The following ZNF385B variants were observed in gnomAD, a reference collection of about 807,000 sequenced individuals.
ZNF385B encodes the protein zinc finger protein 533.
In ZNF385B, 23 loss-of-function variants were observed where a neutral mutation model predicts 39.2. That is an observed-to-expected ratio of 0.59 (90% CI 0.42 to 0.83). The LOEUF (loss-of-function observed/expected upper bound fraction) is 0.83. Ranked by LOEUF, ZNF385B falls within the 40% of genes least tolerant of loss-of-function variation. ZNF385B has a pLI of 0.00. For missense variants in ZNF385B, 552 were observed against 598.9 expected (o/e 0.92, Z 0.82); for synonymous variants, 205 against 222.6 (o/e 0.92, Z 0.70).
chr2:179,624,151 G>A (rs985544664), intron 3 of ZNF385B, among the ~76,000 whole-genome samples: 2 of 151,984 alleles, frequency 1.3e-5, no homozygotes, highest in Admixed American at 6.6e-5. Context: ...ACATTTATCA[G>A]GTCTTTCCTA....
Position 179,558,735 on chromosome 2 carries a change from A to G in ZNF385B, c.299-13766T>C, listed in dbSNP as rs147000629. On this transcript the variant is annotated intron_variant, in intron 3 of 9. Transcript: ENST00000410066. ...CTATAGAGTGTTCATAAAAAATTCTAGTAAAGTATGATAGTCATGGTGGCC... is the reference window on the plus strand; with the variant it reads ...CTATAGAGTGTTCATAAAAAATTCTGGTAAAGTATGATAGTCATGGTGGCC... Among the ~76,000 whole-genome samples the G allele has an allele frequency of 2.5e-3, 386 of 152,296 alleles. 1 individual carries two copies. The highest frequency in any genetic ancestry group is 8.7e-3 in the African/African-American group (362 of 41,556).
intron 5 of ZNF385B, among the ~76,000 whole-genome samples, chr2:179,507,451 G>C (rs2057333918): frequency 6.6e-6 from 1 of 151,866 alleles, no homozygotes; most frequent in African/African-American, 2.4e-5. Flanking sequence ...ATAACATGTA[G>C]AGAATACCTA....
chr2:179,526,561 C>T (rs2058914732), intron 4 of ZNF385B, among the ~76,000 whole-genome samples: 1 of 152,016 alleles, frequency 6.6e-6, no homozygotes, highest in African/African-American at 2.4e-5. Context: ...CACCATTGCA[C>T]TCCAACCTGG....
chr2:179,585,750 G>C (rs939923970), intron 3 of ZNF385B: 1 of 152,090 alleles, frequency 6.6e-6, no homozygotes, highest in Non-Finnish European at 1.5e-5. Flanking sequence ...TGATTTGATA[G>C]GAATCACTTT....
At chr2:179,588,991 T>C (rs1201882168) in intron 3 of ZNF385B, among the ~76,000 whole-genome samples, 2 of 152,194 alleles carry the variant, frequency 1.3e-5, no homozygotes, top group Non-Finnish European at 2.9e-5. Flanking sequence ...ACCTGAAACC[T>C]CTTGCCTCTG....
rs1347067507 is a variant in ZNF385B at position 179,837,373 on chromosome 2, A to G, written c.-155+23728T>C. Among the ~76,000 whole-genome samples the G allele has an allele frequency of 2.0e-5, 3 of 152,208 alleles. 1 individual carries two copies. The highest frequency in any genetic ancestry group is 7.2e-5 in the African/African-American group (3 of 41,452). On this transcript the variant is annotated intron_variant, in intron 1 of 9. Transcript: ENST00000410066. ...TTACAAGGTCAAAAGAAATATCAAC[A>G]AATTGTGTTCTCATTTCAGATTGAA... is the stretch of plus-strand genomic sequence containing the variant.
chr2:179,652,772 A>C (rs1693312285), intron 3 of ZNF385B, among the ~76,000 whole-genome samples: 1 of 152,068 alleles, frequency 6.6e-6, no homozygotes, highest in Admixed American at 6.6e-5. Flanking sequence ...ACAACGATAC[A>C]TAATAGAGTA....
At chr2:179,486,024 A>AG (rs1296232288) in intron 5 of ZNF385B, among the ~76,000 whole-genome samples, 1 of 152,180 alleles carries the variant, frequency 6.6e-6, no homozygotes, top group East Asian at 1.9e-4. Context: ...TGGAAAAAAA[A>AG]ATAATCACGT....
chr2:179,549,006 C>G (rs2060404793), intron 3 of ZNF385B, among the ~76,000 whole-genome samples: 1 of 149,486 alleles, frequency 6.7e-6, no homozygotes, highest in Non-Finnish European at 1.5e-5. Context: ...AATCTATTTT[C>G]TTTATCTTTA....
chr2:179,835,727 T>G (rs147214000), intron 1 of ZNF385B, among the ~76,000 whole-genome samples: 30 of 152,168 alleles, frequency 2.0e-4, no homozygotes, highest in Non-Finnish European at 3.2e-4. Flanking sequence ...CTGTGCCCTG[T>G]GCTTGGGAAG....
At chr2:179,818,242 T>G (rs1208715818) in intron 1 of ZNF385B, among the ~76,000 whole-genome samples, 1 of 152,178 alleles carries the variant, frequency 6.6e-6, no homozygotes, top group Non-Finnish European at 1.5e-5. Context: ...TTATTAAAAT[T>G]TGCCTTTCCG....
At chr2:179,841,004 T>C (rs1708507613) in intron 1 of ZNF385B, among the ~76,000 whole-genome samples, 1 of 152,216 alleles carries the variant, frequency 6.6e-6, no homozygotes, top group African/African-American at 2.4e-5. Context: ...TATTAACATC[T>C]CCAGTGGTCC....
At chr2:179,799,379 C>T (rs912731551) in intron 1 of ZNF385B, among the ~76,000 whole-genome samples, 1 of 151,960 alleles carries the variant, frequency 6.6e-6, no homozygotes, top group African/African-American at 2.4e-5. Flanking sequence ...TGTTGTATTC[C>T]TTTACATTAA....
intron 3 of ZNF385B, among the ~76,000 whole-genome samples, chr2:179,554,159 G>A (rs1191634300): frequency 6.7e-6 from 1 of 149,006 alleles, no homozygotes; most frequent in East Asian, 1.9e-4. Context: ...CAGTTACTGT[G>A]GTTACTAACT....
intron 1 of ZNF385B, among the ~76,000 whole-genome samples, chr2:179,840,753 C>T (rs897978500): frequency 6.6e-6 from 1 of 152,188 alleles, no homozygotes; most frequent in Admixed American, 6.5e-5. Flanking sequence ...ATCTCGAGAA[C>T]CTGTACTCTT....
chr2:179,505,705 TTTAAA>T (rs536534430), intron 5 of ZNF385B, among the ~76,000 whole-genome samples: 130 of 152,262 alleles, frequency 8.5e-4, no homozygotes, highest in African/African-American at 2.9e-3. Context: ...GTAACACGTA[TTTAAA>T]GCAGAACTAG....
intron 1 of ZNF385B, among the ~76,000 whole-genome samples, chr2:179,830,394 A>G (rs930179430): frequency 5.3e-5 from 8 of 152,258 alleles, no homozygotes; most frequent in African/African-American, 1.9e-4. Context: ...AAATGAGTTG[A>G]TAATTTATGT....
rs368978295 is a variant in ZNF385B, at chr2:179,443,255, A to T, written c.1456T>A (p.Tyr486Asn). 3.7e-6 allele frequency: 6 copies of T among 1,612,350 alleles called. No homozygotes were observed. The highest frequency in any genetic ancestry group is 5.1e-6 in the Non-Finnish European group (6 of 1,180,016). Residue 486 changes from tyrosine to asparagine, a missense_variant, in exon 10 of 10, where the codon TAC (tyrosine) becomes AAC (asparagine). Physicochemically the swap from Tyr to Asn is moderately radical, Grantham distance 143 (BLOSUM62 -2). Transcript: ENST00000410066. Reference protein sequence around the residue: ...ATPASILFAPY With the variant: ...ATPASILFAPN ...CGTCTTGGGGTTTGCAGACGTTAGT[A>T]CGGAGCAAAGAGGATGGAGGCAGGA...
chr2:179,548,489 T>C (rs1559455844), intron 3 of ZNF385B, among the ~76,000 whole-genome samples: 2 of 149,784 alleles, frequency 1.3e-5, no homozygotes, highest in Non-Finnish European at 3.0e-5. Context: ...ATCTGAATTG[T>C]AGAATTCAAT....
Sources: gnomAD v4.1 joint callset for allele counts (sites outside exome capture counted in the v4.1 genomes callset) on GRCh38, gnomAD v4.1.1 for gene constraint, MANE v1.5 for transcripts, NCBI Gene and HGNC (gene_info 2026-07-23, HGNC 2026-07-21) for gene names.